The following PRR5L variants were observed in gnomAD, a reference collection of about 807,000 sequenced individuals.
PRR5L encodes proline-rich protein 5-like.
A neutral mutation model predicts 36.4 loss-of-function variants in PRR5L; 21 were observed. The observed-to-expected ratio is 0.58, with a 90% CI of 0.41 to 0.83. PRR5L has a LOEUF of 0.83. Ranked by LOEUF, PRR5L falls within the 40% of genes least tolerant of loss-of-function variation. The pLI is 0.00. For synonymous variants in PRR5L, 188 were observed against 197.0 expected (o/e 0.95, Z 0.38); for missense variants, 381 against 473.3 (o/e 0.80, Z 1.81).
intron 1 of PRR5L, among the ~76,000 whole-genome samples, chr11:36,384,995 C>A (rs990538815): frequency 6.6e-6 from 1 of 152,134 alleles, no homozygotes; most frequent in African/African-American, 2.4e-5. Context: ...TATGAAAAAA[C>A]CATTTTATCT....
chr11:36,385,983 G>A (rs184841338), intron 1 of PRR5L, among the ~76,000 whole-genome samples: 1 of 152,338 alleles, frequency 6.6e-6, no homozygotes, highest in East Asian at 1.9e-4. Flanking sequence ...GCTTGGAAGT[G>A]CACCTTTCAT....
At chr11:36,313,588 G>A (rs993689811) in intron 1 of PRR5L, among the ~76,000 whole-genome samples, 1 of 152,168 alleles carries the variant, frequency 6.6e-6, no homozygotes, top group Non-Finnish European at 1.5e-5. Flanking sequence ...GATGCTCTAA[G>A]AATGGAGGGA....
chr11:36,335,780 A>G lies in PRR5L; in HGVS notation c.-126+39342A>G, dbSNP rs1010189846. ...GTTCTCCATAGTGTGACTCACGGTT[A>G]GCCAACTATATAATAAGCAAAAGTG... On this transcript the variant is annotated intron_variant, in intron 1 of 8. Transcript: ENST00000530639. 2.6e-5 allele frequency among the ~76,000 whole-genome samples: 4 copies of G among 152,256 alleles called. No individual in the cohort carries two copies. In the East Asian group the frequency reaches 7.7e-4, roughly 29 times the overall value.
chr11:36,360,074 CCCA>C (rs1857070556), intron 1 of PRR5L, among the ~76,000 whole-genome samples: 2 of 57,998 alleles, frequency 3.4e-5, no homozygotes, highest in South Asian at 5.1e-4. Context: ...TACACACACA[CCCA>C]CACACACACA....
At chr11:36,418,695 C>T (rs1022290740) in intron 3 of PRR5L, among the ~76,000 whole-genome samples, 1 of 151,992 alleles carries the variant, frequency 6.6e-6, no homozygotes, top group African/African-American at 2.4e-5. Flanking sequence ...ACTCGGGAGG[C>T]TGAGGCAGGA....
chr11:36,432,495 C>A (rs1226301569), intron 5 of PRR5L, among the ~76,000 whole-genome samples: 1 of 152,134 alleles, frequency 6.6e-6, no homozygotes, highest in Admixed American at 6.6e-5. Context: ...CAAGAATTAG[C>A]CAACCCCATG....
rs113735088 is a variant in PRR5L, at chr11:36,299,040, A to G, written c.-126+2602A>G. Among the ~76,000 whole-genome samples the G allele has an allele frequency of 1.2e-3, 176 of 152,334 alleles. 1 individual carries two copies. The highest frequency in any genetic ancestry group is 4.1e-3 in the African/African-American group (170 of 41,578). Reference sequence around the variant, plus strand: ...AGGTCCTGGGGGTTAGGGCTTCATCATATAAATTTTGGGAGGATAGTTGAG... The same window carrying G: ...AGGTCCTGGGGGTTAGGGCTTCATCGTATAAATTTTGGGAGGATAGTTGAG... On this transcript the variant is annotated intron_variant, in intron 1 of 8. Transcript: ENST00000530639.
chr11:36,384,726 G>A (rs571046974), intron 1 of PRR5L, among the ~76,000 whole-genome samples: 1 of 151,674 alleles, frequency 6.6e-6, no homozygotes, highest in South Asian at 2.1e-4. Context: ...AGACTGGAGT[G>A]CAGTGGCATG....
At position 36,415,764 on chromosome 11, in the gene PRR5L, TTAAA is replaced by T. The variant is rs569546740; in HGVS notation, c.246-3490_246-3487del. 3.9e-3 allele frequency among the ~76,000 whole-genome samples: 589 copies of T among 152,148 alleles called. 4 individuals carry two copies. The highest frequency in any genetic ancestry group is 0.014 in the African/African-American group (564 of 41,442). ...GTCTCAATAAAAAACAGTTAATTAATTAAAAAATAAATAAAATGCATATGTGTTC... is the reference window on the plus strand; with the variant it reads ...GTCTCAATAAAAAACAGTTAATTAATAAATAAATAAAATGCATATGTGTTC... On this transcript the variant is annotated intron_variant, in intron 3 of 8. Coordinates refer to ENST00000530639, the MANE Select transcript of PRR5L (RefSeq NM_001160167.2).
chr11:36,384,777 A>T (rs1253751135), intron 1 of PRR5L, among the ~76,000 whole-genome samples: 1 of 150,640 alleles, frequency 6.6e-6, no homozygotes, highest in Non-Finnish European at 1.5e-5. Flanking sequence ...GGCTCAAGGG[A>T]TCCTCCTGCC....
chr11:36,452,153 C>T (rs970506743), intron 8 of PRR5L, among the ~76,000 whole-genome samples: 5 of 152,168 alleles, frequency 3.3e-5, no homozygotes, highest in Non-Finnish European at 7.3e-5. Flanking sequence ...ATTGTTCTGT[C>T]CCCAGGAATG....
intron 7 of PRR5L, among the ~76,000 whole-genome samples, chr11:36,447,981 A>T (rs1858867867): frequency 6.6e-6 from 1 of 152,188 alleles, no homozygotes; most frequent in Non-Finnish European, 1.5e-5. Flanking sequence ...TTGGGCTCCC[A>T]TCTTCCCATA....
intron 1 of PRR5L, among the ~76,000 whole-genome samples, chr11:36,363,814 C>T (rs1322073675): frequency 2.0e-5 from 3 of 152,180 alleles, no homozygotes; most frequent in South Asian, 2.1e-4. Context: ...AAGAAGCAAT[C>T]GGCTGTTAAT....
chr11:36,452,124 A>G (rs529185751), intron 8 of PRR5L, among the ~76,000 whole-genome samples: 159 of 152,348 alleles, frequency 1.0e-3, no homozygotes, highest in African/African-American at 3.8e-3. Context: ...AACGCTCAAA[A>G]TGCAGAAATG....
At chr11:36,347,823 A>G (rs945903855) in intron 1 of PRR5L, among the ~76,000 whole-genome samples, 3 of 151,942 alleles carry the variant, frequency 2.0e-5, no homozygotes, top group Non-Finnish European at 2.9e-5. Context: ...TGCAAGATTC[A>G]GGAGCTTGGG....
At chr11:36,321,719 A>G (rs1428140049) in intron 1 of PRR5L, 1 of 152,246 alleles carries the variant, frequency 6.6e-6, no homozygotes, top group African/African-American at 2.4e-5. Context: ...TGCCACAACA[A>G]AGGACCACAA....
intron 1 of PRR5L, among the ~76,000 whole-genome samples, chr11:36,318,713 G>A (rs1257196290): frequency 4.0e-5 from 6 of 151,794 alleles, no homozygotes; most frequent in Admixed American, 2.6e-4. Flanking sequence ...GTAGGGAGAC[G>A]GAGATTTGAG....
intron 1 of PRR5L, among the ~76,000 whole-genome samples, chr11:36,306,898 G>A (rs1469163619): frequency 6.6e-6 from 1 of 152,034 alleles, no homozygotes; most frequent in Non-Finnish European, 1.5e-5. Flanking sequence ...ACATGTAATA[G>A]TTGTATAATG....
At chr11:36,414,839 T>G (rs1312491570) in intron 3 of PRR5L, among the ~76,000 whole-genome samples, 27 of 145,838 alleles carry the variant, frequency 1.9e-4, no homozygotes, top group African/African-American at 6.5e-4. Context: ...GTTTTTATGG[T>G]TTTAGGTCTA....
Sources: gnomAD v4.1 joint callset for allele counts (sites outside exome capture counted in the v4.1 genomes callset) on GRCh38, gnomAD v4.1.1 for gene constraint, MANE v1.5 for transcripts, NCBI Gene and HGNC (gene_info 2026-07-23, HGNC 2026-07-21) for gene names.